The following KIF22 variants were observed in gnomAD, a reference collection of about 807,000 sequenced individuals.
KIF22 encodes kinesin family member 22.
KIF22 carries 62 observed loss-of-function variants against 73.0 expected under a neutral mutation model. That is an observed-to-expected ratio of 0.85 (90% CI 0.69 to 1.05). The LOEUF (loss-of-function observed/expected upper bound fraction) is 1.05. KIF22 is among the 50% of genes least tolerant of loss of function. The probability of loss-of-function intolerance (pLI) is 0.00; values close to 1 mark genes in which losing one functional copy is unlikely to be tolerated. For missense variants in KIF22, 854 were observed against 870.1 expected, an observed-to-expected ratio of 0.98 and a Z score of 0.23; for synonymous variants, 411 against 340.1, an observed-to-expected ratio of 1.21 and a Z score of -2.29.
intron 8 of KIF22, 27 bp downstream of exon 8, chr16:29,800,075 C>T: frequency 6.3e-7 from 1 of 1,593,530 alleles, no homozygotes; most frequent in South Asian, 1.1e-5. Flanking sequence ...TGGGTGTATC[C>T]CCTTCCTGAT....
Position 29,802,923 on chromosome 16 carries a change from G to A in KIF22, c.1435G>A (p.Asp479Asn). ...GCTAATGAAGACAGTGGAAGAGAAG[G>A]ACCTAGAGATTGAGGTACGTGTTTT... ...MVLMKTVEEKDLEIERLKTKQ... is the reference protein window; with the variant it reads ...MVLMKTVEEKNLEIERLKTKQ... The change falls in exon 9 of 14, where the codon GAC (aspartate) becomes AAC (asparagine). Residue 479 changes from aspartate (D) to asparagine (N), a missense_variant. By Grantham distance (23) the Asp-to-Asn change is conservative. Around this residue, in one of 3 missense-constraint regions of KIF22, gnomAD observed 423 missense variants for 365.4 expected, o/e 1.16. Coordinates refer to ENST00000160827, the MANE Select transcript of KIF22 (RefSeq NM_007317.3). 1 of 1,612,180 alleles carries A rather than the reference G, an allele frequency of 6.2e-7. No homozygotes were observed.
At position 29,803,982 on chromosome 16, in the gene KIF22, C is replaced by T; in HGVS notation, c.1610-16C>T. 5 of 1,609,028 alleles carry T rather than the reference C, an allele frequency of 3.1e-6. No homozygotes were observed. The highest frequency in any genetic ancestry group is 1.7e-4 in the Middle Eastern group (1 of 6,050). ...TACCCTTTGCCCTGACTCCAATTCT[C>T]GATTCCTACTTTCAGTTCAGGAGCA... On this transcript the variant is annotated splice_polypyrimidine_tract_variant and intron_variant, in intron 10 of 13. Coordinates refer to ENST00000160827, the MANE Select transcript of KIF22 (RefSeq NM_007317.3).
Position 29,804,842 on chromosome 16 carries a change from A to C in KIF22, c.1706A>C (p.Glu569Ala). 6.2e-7 allele frequency: 1 copy of C among 1,612,542 alleles called. No individual in the cohort carries two copies. The highest frequency in any genetic ancestry group is 8.5e-7 in the Non-Finnish European group (1 of 1,179,354). ...GAGTCCCTGGATGCCCTAGAGCCTG[A>C]GGAGAAGGCTGAGGACTGCTGGGAG... is the stretch of plus-strand genomic sequence containing the variant. ...KLESLDALEPEEKAEDCWELQ... is the reference protein window; with the variant it reads ...KLESLDALEPAEKAEDCWELQ... Residue 569 changes from glutamate (E) to alanine (A), a missense_variant, in exon 12 of 14, where the codon GAG (glutamate) becomes GCG (alanine). This residue lies in a region of KIF22 where 423 missense variants were observed against 365.4 expected (regional missense o/e 1.16). Transcript: ENST00000160827.
intron 8 of KIF22, among the ~76,000 whole-genome samples, chr16:29,802,109 AT>A (rs1876760221): frequency 6.6e-6 from 1 of 151,964 alleles, no homozygotes; most frequent in African/African-American, 2.4e-5. Flanking sequence ...TCTACAAAAA[AT>A]AAAAAAATTA....
rs1237109892 is a variant in KIF22 at position 29,793,416 on chromosome 16, A to T, written c.70+2587A>T. On this transcript the variant is annotated intron_variant, in intron 1 of 13. Transcript: ENST00000160827. ...AGCGCCACTGCACTCCAGCCTGGCG[A>T]CAGTGAGATTCTGTCTCAAAAAAAA... Among the ~76,000 whole-genome samples, 3 of 152,254 alleles carry T rather than the reference A, an allele frequency of 2.0e-5. No homozygotes were observed. The East Asian group carries it at 5.8e-4, about 29-fold the overall frequency.
At chr16:29,800,570 G>C in intron 8 of KIF22, among the ~76,000 whole-genome samples, 1 of 152,106 alleles carries the variant, frequency 6.6e-6, no homozygotes. Context: ...TTCAAGACCA[G>C]CCTGGCCAAC....
At position 29,805,369 on chromosome 16, in the gene KIF22, C is replaced by T. The variant is rs1198989086; in HGVS notation, c.*59C>T. 4.5e-6 allele frequency: 7 copies of T among 1,558,746 alleles called. No homozygotes were observed. The highest frequency in any genetic ancestry group is 1.4e-5 in the African/African-American group (1 of 73,884). On this transcript the variant is annotated 3_prime_UTR_variant, in exon 14 of 14. Coordinates refer to ENST00000160827, the MANE Select transcript of KIF22 (RefSeq NM_007317.3). Reference sequence around the variant, plus strand: ...TGTATAACCCCGTGTTGTGTAAATACAGTTTTTGCTCCGGTGCTTCCGCCT... The same window carrying T: ...TGTATAACCCCGTGTTGTGTAAATATAGTTTTTGCTCCGGTGCTTCCGCCT...
At chr16:29,805,242 T>G (rs983641588) in intron 13 of KIF22, 21 bp from the exon 14 acceptor site, 1 of 1,613,680 alleles carries the variant, frequency 6.2e-7, no homozygotes, top group East Asian at 2.2e-5. Context: ...CGTCGCTGTC[T>G]CCCTCCCTCC....
Position 29,802,957 on chromosome 16 carries a change from G to T in KIF22, c.1449+20G>T, listed in dbSNP as rs1248699945. 6.2e-7 allele frequency: 1 copy of T among 1,608,572 alleles called. No homozygotes were observed. The highest frequency in any genetic ancestry group is 1.3e-5 in the African/African-American group (1 of 74,810). On this transcript the variant is annotated intron_variant, in intron 9 of 13. Transcript: ENST00000160827. ...ATTGAGGTACGTGTTTTAGGGATGT[G>T]GGAGCTGGATTCCTATTGGCCTTGA...
chr16:29,798,642 G>T lies in KIF22; in HGVS notation c.444G>T (p.Pro148=), dbSNP rs775372716. ...GCCCAGAGCAACCTGGGGTGATCCC[G>T]CGGGCTCTCATGGACCTCCTGCAGC... is the stretch of plus-strand genomic sequence containing the variant. ...LGSPEQPGVI[P]RALMDLLQLT... The change falls in exon 4 of 14, where the codon CCG becomes CCT. Residue 148 remains proline, a synonymous_variant. Transcript: ENST00000160827. The surrounding 1 kb of genome is among the most constrained non-coding windows in gnomAD (Gnocchi z 4.1). 1 of 1,614,042 alleles carries T rather than the reference G, an allele frequency of 6.2e-7. No individual in the cohort carries two copies. Among genetic ancestry groups the T allele is most frequent in the African/African-American group, 1.3e-5 (1 of 74,944 alleles).
intron 11 of KIF22, chr16:29,804,601 T>C (rs750493405): frequency 2.9e-6 from 2 of 694,798 alleles, no homozygotes; most frequent in Non-Finnish European, 5.3e-6. Context: ...GGTGCTAATA[T>C]TACCACTGGG....
intron 13 of KIF22, 26 bp from the exon 14 acceptor site, chr16:29,805,237 C>T: frequency 1.2e-6 from 2 of 1,613,968 alleles, no homozygotes; most frequent in Non-Finnish European, 1.7e-6. Context: ...TCTAACGTCG[C>T]TGTCTCCCTC....
In KIF22 at chr16:29,799,417, G is replaced by A. The variant is rs1386368500; in HGVS notation, c.913G>A (p.Gly305Ser). ...CATCAACACCTCCCTGTTTGTCCTG[G>A]GCAAAGTGGTAGATGCGCTGAATCA... ...GAINTSLFVLGKVVDALNQGL... is the reference protein window; with the variant it reads ...GAINTSLFVLSKVVDALNQGL... Residue 305 changes from glycine (G) to serine (S), a missense_variant, in exon 6 of 14, where the codon GGC becomes AGC. Transcript: ENST00000160827. 1 of 1,614,212 alleles carries A rather than the reference G, an allele frequency of 6.2e-7. No homozygotes were observed. The highest frequency in any genetic ancestry group is 1.7e-5 in the Admixed American group (1 of 60,030).
At chr16:29,793,331 T>A (rs1898865587) in intron 1 of KIF22, among the ~76,000 whole-genome samples, 1 of 152,208 alleles carries the variant, frequency 6.6e-6, no homozygotes, top group South Asian at 2.1e-4. Flanking sequence ...TCCCAGCTAT[T>A]CGGGAGGCTG....
chr16:29,803,644 G>C, intron 10 of KIF22, 36 bp downstream of exon 10: 1 of 1,535,438 alleles, frequency 6.5e-7, no homozygotes, highest in Non-Finnish European at 8.9e-7. Context: ...GGCCAAGGCA[G>C]CTGAGATCCT....
intron 8 of KIF22, 48 bp from the exon 9 acceptor site, chr16:29,802,721 G>A (rs766897915): frequency 4.0e-6 from 6 of 1,501,292 alleles, no homozygotes; most frequent in Non-Finnish European, 5.3e-6. Flanking sequence ...TGCTGTAGGT[G>A]GTGATGAGGG....
intron 8 of KIF22, among the ~76,000 whole-genome samples, chr16:29,802,104 A>C (rs1008187195): frequency 3.3e-5 from 5 of 151,802 alleles, no homozygotes; most frequent in Non-Finnish European, 4.4e-5. Flanking sequence ...CCATCTCTAC[A>C]AAAAATAAAA....
intron 1 of KIF22, among the ~76,000 whole-genome samples, chr16:29,792,977 G>T (rs1159249971): frequency 6.6e-6 from 1 of 152,194 alleles, no homozygotes; most frequent in African/African-American, 2.4e-5. Context: ...ACTTGTTCAA[G>T]AGAGATTTAA....
At chr16:29,802,741 G>C (rs752732730) in intron 8 of KIF22, 28 bp from the exon 9 acceptor site, 1 of 1,529,944 alleles carries the variant, frequency 6.5e-7, no homozygotes, top group African/African-American at 1.4e-5. Flanking sequence ...GAGGAGGTAG[G>C]TGGGGAGCAA....
Sources: gnomAD v4.1 joint callset for allele counts (sites outside exome capture counted in the v4.1 genomes callset) on GRCh38, gnomAD v4.1.1 for gene constraint, gnomAD v4.1.1 regional missense constraint, Gnocchi (gnomAD v3.1) non-coding constraint, MANE v1.5 for transcripts, NCBI Gene and HGNC (gene_info 2026-07-23, HGNC 2026-07-21) for gene names.